Variants in ZNF518A observed in about 807,000 individuals in gnomAD.
ZNF518A encodes the protein zinc finger protein 518.
A neutral mutation model predicts 102.7 loss-of-function variants in ZNF518A; 47 were observed. That is an observed-to-expected ratio of 0.46 (90% CI 0.36 to 0.58). The LOEUF (loss-of-function observed/expected upper bound fraction) is 0.58, where lower values mean the gene tolerates loss of function less well. Among genes scored for constraint, ZNF518A ranks in the 20% least tolerant of loss-of-function variants. The pLI is 0.00. For synonymous variants in ZNF518A, 652 were observed against 594.6 expected (o/e 1.10, Z -1.40); for missense variants, 1,793 against 1,699.8 (o/e 1.05, Z -0.96).
At chr10:96,164,935 A>G (rs587706331), downstream of ZNF518A, among the ~76,000 whole-genome samples, 5 of 152,370 alleles carry the variant, frequency 3.3e-5, no homozygotes, top group South Asian at 2.1e-4. Context: ...GCGATCATCA[A>G]TTACATCATA....
At position 96,157,793 on chromosome 10, in the gene ZNF518A, A is replaced by G; in HGVS notation, c.1471A>G (p.Thr491Ala). 1.2e-6 allele frequency: 2 copies of G among 1,613,922 alleles called. No individual in the cohort carries two copies. The highest frequency in any genetic ancestry group is 1.7e-5 in the Admixed American group (1 of 60,032). The change falls in exon 6 of 6, where the codon ACT becomes GCT. Residue 491 changes from threonine (T) to alanine (A), a missense_variant. Coordinates refer to ENST00000316045, the MANE Select transcript of ZNF518A (RefSeq NM_001330736.2). Reference protein sequence around the residue: ...TANLQPQTLDTNGFLTGVTTE... With the variant: ...TANLQPQTLDANGFLTGVTTE... ...TAATTTGCAGCCCCAGACTTTGGAC[A>G]CTAATGGATTTTTAACAGGAGTAAC...
rs782750940 is a variant in ZNF518A at position 96,162,156 on chromosome 10, T to C, written c.*1382T>C. 1 of 166,746 alleles carries C rather than the reference T, an allele frequency of 6.0e-6. No individual in the cohort carries two copies. The highest frequency in any genetic ancestry group is 1.5e-5 in the Non-Finnish European group (1 of 68,010). The allele number at this position is 166,746 out of a possible 1,614,324, so 10.3% of individuals were successfully genotyped here. ...GGCTTCTTTTCTGTATATAACAAATTAAGTCTGTACATATTTTTGTACCTT... is the reference window on the plus strand; with the variant it reads ...GGCTTCTTTTCTGTATATAACAAATCAAGTCTGTACATATTTTTGTACCTT... On this transcript the variant is annotated 3_prime_UTR_variant, in exon 6 of 6. Transcript: ENST00000316045.
rs753319782 is a variant in ZNF518A at position 96,157,175 on chromosome 10, C to T, written c.853C>T (p.His285Tyr). 1 of 1,612,570 alleles carries T rather than the reference C, an allele frequency of 6.2e-7. No homozygotes were observed. The highest frequency in any genetic ancestry group is 2.2e-5 in the East Asian group (1 of 44,854). ...CCTTGTAAGACATGTTATAACTTTG[C>T]ACAAAGAACATTTATATGCAAAAGA... ...EHLVRHVITL[H>Y]KEHLYAKEKL... The change falls in exon 6 of 6, where the codon CAC (histidine) becomes TAC (tyrosine). Residue 285 changes from histidine to tyrosine, a missense_variant. Around this residue, in one of 3 missense-constraint regions of ZNF518A, gnomAD observed 1,741 missense variants for 1,622.6 expected, o/e 1.07. Transcript: ENST00000316045.
chr10:96,166,907 C>G (rs1591270393), downstream of ZNF518A, among the ~76,000 whole-genome samples: 1 of 152,148 alleles, frequency 6.6e-6, no homozygotes, highest in African/African-American at 2.4e-5. Flanking sequence ...AGTTCCTGGC[C>G]AAATGAAGGG....
Position 96,156,266 on chromosome 10 carries a change from A to C in ZNF518A, c.-57A>C. On this transcript the variant is annotated 5_prime_UTR_variant, in exon 6 of 6. Transcript: ENST00000316045. ...CACAGTATCGTTTCCTGTTTAAATT[A>C]CAGATAACTTCAAGAGTTTTCAGAA... 6.7e-7 allele frequency: 1 copy of C among 1,498,124 alleles called. No homozygotes were observed. Among genetic ancestry groups the C allele is most frequent in the Middle Eastern group, 2.2e-4 (1 of 4,614 alleles). The allele number at this position is 1,498,124 out of a possible 1,614,324, so 92.8% of individuals were successfully genotyped here.
intron 4 of ZNF518A, 43 bp downstream of exon 4, chr10:96,155,419 T>C (rs2082652768): frequency 6.6e-6 from 1 of 152,184 alleles, no homozygotes; most frequent in South Asian, 2.1e-4. Flanking sequence ...ATGGGTATGT[T>C]CTAATCTGCC....
chr10:96,155,054 C>CAT (rs150259641), intron 3 of ZNF518A, among the ~76,000 whole-genome samples: 5,120 of 150,278 alleles, frequency 0.034, 267 homozygotes, highest in East Asian at 0.18. Flanking sequence ...TCTATTCATA[C>CAT]ATATATATAT....
At position 96,160,141 on chromosome 10, in the gene ZNF518A, A is replaced by G; in HGVS notation, c.3819A>G (p.Arg1273=). The G allele has an allele frequency of 1.9e-6, 3 of 1,610,092 alleles. No homozygotes were observed. The highest frequency in any genetic ancestry group is 2.5e-6 in the Non-Finnish European group (3 of 1,178,580). Residue 1273 remains arginine, a synonymous_variant, in exon 6 of 6, where the codon AGA becomes AGG. Transcript: ENST00000316045. ...SKDSETAFVS[R]NRNCKRKCRD... ...ACTCTGAAACTGCCTTTGTATCTAG[A>G]AACAGAAACTGTAAACGAAAGTGTA...
Position 96,159,674 on chromosome 10 carries a change from C to T in ZNF518A, c.3352C>T (p.Leu1118Phe). The change falls in exon 6 of 6, where the codon CTT (leucine) becomes TTT (phenylalanine). Residue 1118 changes from leucine to phenylalanine, a missense_variant. Physicochemically the swap from Leu to Phe is conservative, Grantham distance 22. Around this residue, in one of 3 missense-constraint regions of ZNF518A, gnomAD observed 1,741 missense variants for 1,622.6 expected, o/e 1.07. Transcript: ENST00000316045. ...TGTGATGCCAAATAAAACTGAGCTG[C>T]TTAAGCCCAAATTAGTCCAAAATAG... ...KCVMPNKTELLKPKLVQNSTY... is the reference protein window; with the variant it reads ...KCVMPNKTELFKPKLVQNSTY... The T allele has an allele frequency of 1.2e-6, 2 of 1,613,518 alleles. No individual in the cohort carries two copies. Among genetic ancestry groups the T allele is most frequent in the Non-Finnish European group, 1.7e-6 (2 of 1,179,786 alleles).
Position 96,200,306 on chromosome 10 carries a change from A to C in ZNF518A, n.36-3268A>C. 1.6e-6 allele frequency: 1 copy of C among 638,848 alleles called. No individual in the cohort carries two copies. Among genetic ancestry groups the C allele is most frequent in the Non-Finnish European group, 2.8e-6 (1 of 356,266 alleles). 39.6% of individuals were successfully genotyped at this position (638,848 alleles called of 1,614,324 possible). A position where few individuals can be genotyped will look rare whatever the true frequency, so the allele number is the denominator to read the frequency against. On this transcript the variant is annotated intron_variant and non_coding_transcript_variant, in intron 1 of 2. Transcript: ENST00000442635. The surrounding 1 kb of genome is among the most constrained non-coding windows in gnomAD (Gnocchi z 4.3). Reference sequence around the variant, plus strand: ...TAAGATGAGTTTTATTTTTCCTTTGATCAAACACAAGGATTATACCGTTAA... The same window carrying C: ...TAAGATGAGTTTTATTTTTCCTTTGCTCAAACACAAGGATTATACCGTTAA...
intron 1 of ZNF518A, among the ~76,000 whole-genome samples, chr10:96,186,425 GTCTC>G (rs1370582896): frequency 1.3e-5 from 2 of 151,656 alleles, no homozygotes; most frequent in East Asian, 1.9e-4. Flanking sequence ...TTTTGACGGA[GTCTC>G]TCTCTGTCAT....
chr10:96,140,204 A>C (rs1416428940), intron 3 of ZNF518A, among the ~76,000 whole-genome samples: 1 of 152,076 alleles, frequency 6.6e-6, no homozygotes, highest in African/African-American at 2.4e-5. Flanking sequence ...CTTATGGATT[A>C]ATGTGGGGAG....
intron 3 of ZNF518A, among the ~76,000 whole-genome samples, chr10:96,134,345 C>G (rs2081493475): frequency 6.6e-6 from 1 of 152,208 alleles, no homozygotes; most frequent in Non-Finnish European, 1.5e-5. Flanking sequence ...ATTCTTCTGC[C>G]TCAGCCTCCC....
chr10:96,204,596 G>A (rs1199013443), downstream of ZNF518A: 14 of 1,613,884 alleles, frequency 8.7e-6, no homozygotes, highest in East Asian at 4.5e-5. Flanking sequence ...CCTCGGTGGC[G>A]TTCAGCAGGT....
Position 96,161,462 on chromosome 10 carries a change from A to C in ZNF518A, c.*688A>C, listed in dbSNP as rs1348232333. The C allele has an allele frequency of 1.2e-5, 2 of 166,856 alleles. No homozygotes were observed. The highest frequency in any genetic ancestry group is 2.9e-5 in the Non-Finnish European group (2 of 68,046). 10.3% of individuals were successfully genotyped at this position (166,856 alleles called of 1,614,324 possible). A position where few individuals can be genotyped will look rare whatever the true frequency, so the allele number is the denominator to read the frequency against. ...TCTAAGTGACTGTGTCAAATGTTGC[A>C]GTAGATGGGCAGCTTCAAGAGAAGA... On this transcript the variant is annotated 3_prime_UTR_variant, in exon 6 of 6. Transcript: ENST00000316045.
intron 3 of ZNF518A, among the ~76,000 whole-genome samples, chr10:96,151,825 T>C (rs1182719288): frequency 6.6e-6 from 1 of 152,212 alleles, no homozygotes; most frequent in Non-Finnish European, 1.5e-5. Flanking sequence ...TTATATTTTT[T>C]GGTTGTTTCA....
At chr10:96,137,531 A>G (rs939431336) in intron 3 of ZNF518A, among the ~76,000 whole-genome samples, 3 of 152,174 alleles carry the variant, frequency 2.0e-5, no homozygotes, top group Admixed American at 1.3e-4. Context: ...CTAGTTAGTC[A>G]TCTTCTTACT....
chr10:96,156,267 C>G lies in ZNF518A; in HGVS notation c.-56C>G, dbSNP rs1285651637. 6.7e-7 allele frequency: 1 copy of G among 1,498,972 alleles called. No homozygotes were observed. Among genetic ancestry groups the G allele is most frequent in the Non-Finnish European group, 8.9e-7 (1 of 1,126,698 alleles). The allele number at this position is 1,498,972 out of a possible 1,614,324, so 92.9% of individuals were successfully genotyped here. Reference sequence around the variant, plus strand: ...ACAGTATCGTTTCCTGTTTAAATTACAGATAACTTCAAGAGTTTTCAGAAA... The same window carrying G: ...ACAGTATCGTTTCCTGTTTAAATTAGAGATAACTTCAAGAGTTTTCAGAAA... On this transcript the variant is annotated 5_prime_UTR_variant, in exon 6 of 6. It introduces an in-frame stop codon into an upstream open reading frame of the 5' UTR. Coordinates refer to ENST00000316045, the MANE Select transcript of ZNF518A (RefSeq NM_001330736.2).
At chr10:96,188,599 T>G (rs1171893545) in intron 1 of ZNF518A, among the ~76,000 whole-genome samples, 11 of 152,296 alleles carry the variant, frequency 7.2e-5, no homozygotes, top group African/African-American at 2.6e-4. Flanking sequence ...TGCCACATAC[T>G]ACAAACAGAT....
Sources: gnomAD v4.1 joint callset for allele counts (sites outside exome capture counted in the v4.1 genomes callset) on GRCh38, gnomAD v4.1.1 for gene constraint, gnomAD v4.1.1 regional missense constraint, Gnocchi (gnomAD v3.1) non-coding constraint, MANE v1.5 for transcripts, NCBI Gene and HGNC (gene_info 2026-07-23, HGNC 2026-07-21) for gene names.